Variants in UNC13C observed in about 807,000 individuals in gnomAD.
The protein encoded by UNC13C is unc-13 homolog C.
In UNC13C, 174 loss-of-function variants were observed where a neutral mutation model predicts 245.4. That is an observed-to-expected ratio of 0.71 (90% CI 0.63 to 0.80). The LOEUF (loss-of-function observed/expected upper bound fraction) is 0.80, where lower values mean the gene tolerates loss of function less well. Among genes scored for constraint, UNC13C ranks in the 30% least tolerant of loss-of-function variants. The probability of loss-of-function intolerance (pLI) is 0.00; values close to 1 mark genes in which losing one functional copy is unlikely to be tolerated. For missense variants in UNC13C, 2,829 were observed against 2,602.9 expected, an observed-to-expected ratio of 1.09 and a Z score of -1.89; for synonymous variants, 992 against 895.1, an observed-to-expected ratio of 1.11 and a Z score of -1.93.
chr15:54,455,264 T>G (rs1332352992), intron 19 of UNC13C, among the ~76,000 whole-genome samples: 1 of 138,882 alleles, frequency 7.2e-6, no homozygotes, highest in Non-Finnish European at 1.5e-5. Context: ...CATTGGTAGA[T>G]GGGCATTTAG....
At chr15:53,851,142 C>A in the UNC13C span, among the ~76,000 whole-genome samples, 6 of 152,020 alleles carry the variant, frequency 3.9e-5, no homozygotes, top group South Asian at 1.3e-3. Flanking sequence ...TTATTTATAA[C>A]TTTGATCATC....
At chr15:54,629,688 G>A (rs1456487082), downstream of UNC13C, 1 of 152,118 alleles carries the variant, frequency 6.6e-6, no homozygotes, top group East Asian at 1.9e-4. Context: ...ACAGAACATT[G>A]ACTTAAGCTC....
intron 17 of UNC13C, among the ~76,000 whole-genome samples, chr15:54,353,138 A>C (rs2039021003): frequency 6.6e-6 from 1 of 152,194 alleles, no homozygotes; most frequent in South Asian, 2.1e-4. Context: ...CACTAAGAAT[A>C]AGAGAAATTT....
At chr15:54,549,781 C>T in intron 28 of UNC13C, 90 bp downstream of exon 28, 4 of 796,242 alleles carry the variant, frequency 5.0e-6, no homozygotes, top group Non-Finnish European at 4.0e-6. Flanking sequence ...TAGTATCTAG[C>T]ATGGCAGGAT....
intron 1 of UNC13C, among the ~76,000 whole-genome samples, chr15:53,987,326 T>C (rs1319295602): frequency 7.2e-5 from 11 of 151,980 alleles, no homozygotes; most frequent in Non-Finnish European, 1.5e-5. Flanking sequence ...TAAGTTAACC[T>C]CCTATATGGA....
At chr15:54,543,884 T>C (rs959895145) in intron 26 of UNC13C, among the ~76,000 whole-genome samples, 2 of 152,108 alleles carry the variant, frequency 1.3e-5, no homozygotes, top group African/African-American at 2.4e-5. Context: ...GAGCTGATAC[T>C]ATTCCTTCTG....
intron 30 of UNC13C, among the ~76,000 whole-genome samples, chr15:54,592,208 G>T (rs144723168): frequency 0.014 from 2,135 of 152,168 alleles, 51 homozygotes; most frequent in African/African-American, 0.048. Flanking sequence ...TCATTTTATG[G>T]CCTATCATAT....
the UNC13C span, among the ~76,000 whole-genome samples, chr15:53,929,023 G>C: frequency 6.6e-6 from 1 of 152,106 alleles, no homozygotes; most frequent in Non-Finnish European, 1.5e-5. Context: ...TTCTCATGCT[G>C]GTAATAAAGA....
intron 30 of UNC13C, among the ~76,000 whole-genome samples, chr15:54,594,911 G>A (rs766882358): frequency 6.6e-5 from 10 of 152,222 alleles, no homozygotes; most frequent in South Asian, 2.1e-4. Flanking sequence ...CCGGAGCATC[G>A]GAGGCTTGCT....
intron 2 of UNC13C, among the ~76,000 whole-genome samples, chr15:54,102,196 C>T (rs567477406): frequency 2.0e-5 from 3 of 151,930 alleles, no homozygotes; most frequent in African/African-American, 7.2e-5. Context: ...AGTATTATAG[C>T]TTGGAGTCTA....
rs940721739 is a variant in UNC13C, at chr15:54,151,128, C to T, written c.3071+7444C>T. Among the ~76,000 whole-genome samples the T allele has an allele frequency of 2.2e-4, 33 of 152,080 alleles. 1 individual carries two copies. The highest frequency in any genetic ancestry group is 2.1e-3 in the Admixed American group (32 of 15,276). ...GGAAAAAATATTTGACTATTACCCA[C>T]GGTTGATCAGGGATACTGTATAAGA... On this transcript the variant is annotated intron_variant, in intron 4 of 32. Transcript: ENST00000260323.
chr15:54,580,072 T>A (rs968805505), intron 30 of UNC13C, among the ~76,000 whole-genome samples: 2 of 152,194 alleles, frequency 1.3e-5, no homozygotes, highest in Admixed American at 6.5e-5. Context: ...AAATTACTCT[T>A]CAAATCACTG....
intron 4 of UNC13C, among the ~76,000 whole-genome samples, chr15:54,167,515 A>AAAG (rs2033214198): frequency 6.8e-6 from 1 of 147,168 alleles, no homozygotes; most frequent in Admixed American, 6.8e-5. Context: ...AAAAAAAAAA[A>AAAG]AAAAGAAAAG....
chr15:54,104,298 A>G (rs1244645191), intron 2 of UNC13C, among the ~76,000 whole-genome samples: 1 of 152,230 alleles, frequency 6.6e-6, no homozygotes, highest in African/African-American at 2.4e-5. Flanking sequence ...CAGAGAAATA[A>G]TCAATAAGAA....
intron 19 of UNC13C, among the ~76,000 whole-genome samples, chr15:54,463,113 C>A (rs1891947566): frequency 6.6e-6 from 1 of 151,580 alleles, no homozygotes; most frequent in Admixed American, 6.6e-5. Context: ...TTGTGTCTAG[C>A]TAAAGGATTG....
At chr15:54,433,683 A>T (rs987860400) in intron 19 of UNC13C, among the ~76,000 whole-genome samples, 1 of 152,120 alleles carries the variant, frequency 6.6e-6, no homozygotes, top group African/African-American at 2.4e-5. Flanking sequence ...CAAGGCAAGA[A>T]GGCCCTCTCT....
chr15:54,479,848 A>G (rs1374349408), intron 19 of UNC13C, among the ~76,000 whole-genome samples: 1 of 151,978 alleles, frequency 6.6e-6, no homozygotes, highest in Non-Finnish European at 1.5e-5. Context: ...TGTAGTGGTG[A>G]TGAATTCCTT....
rs1039401683 is a variant in UNC13C at position 54,628,515 on chromosome 15, C to G, written c.*1402C>G. The G allele has an allele frequency of 6.6e-6, 1 of 152,496 alleles. No individual in the cohort carries two copies. The highest frequency in any genetic ancestry group is 1.5e-5 in the Non-Finnish European group (1 of 68,006). The allele number at this position is 152,496 out of a possible 1,614,324, so 9.4% of individuals were successfully genotyped here. ...GCTAATTCATGTTAAACTGTTAGGC[C>G]ACTGCTTTGTTAATGACTCCTCTAA... On this transcript the variant is annotated 3_prime_UTR_variant, in exon 33 of 33. Coordinates refer to ENST00000260323, the MANE Select transcript of UNC13C (RefSeq NM_001080534.3).
At chr15:54,188,733 G>C (rs1273789725) in intron 4 of UNC13C, among the ~76,000 whole-genome samples, 1 of 152,116 alleles carries the variant, frequency 6.6e-6, no homozygotes, top group African/African-American at 2.4e-5. Flanking sequence ...TGATCTCACT[G>C]ATCCTCACAG....
Sources: gnomAD v4.1 joint callset for allele counts (sites outside exome capture counted in the v4.1 genomes callset) on GRCh38, gnomAD v4.1.1 for gene constraint, MANE v1.5 for transcripts, NCBI Gene and HGNC (gene_info 2026-07-23, HGNC 2026-07-21) for gene names.